GTF2H5: variants seen among roughly 807,000 people sequenced by gnomAD.
The protein encoded by GTF2H5 is general transcription factor IIH subunit 5.
A neutral mutation model predicts 7.1 loss-of-function variants in GTF2H5; 5 were observed. That is an observed-to-expected ratio of 0.71 (90% CI 0.37 to 1.49). The LOEUF is 1.49. GTF2H5 is among the 40% of genes most tolerant of loss of function. GTF2H5 has a pLI of 0.03. For missense variants in GTF2H5, 80 were observed against 83.0 expected, an observed-to-expected ratio of 0.96 and a Z score of 0.14; for synonymous variants, 30 against 31.7, an observed-to-expected ratio of 0.95 and a Z score of 0.18.
chr6:158,192,077 A>G lies in GTF2H5; in HGVS notation c.136A>G (p.Ile46Val), dbSNP rs146093050. The G allele has an allele frequency of 2.4e-5, 39 of 1,613,894 alleles. No individual in the cohort carries two copies. In the African/African-American group the frequency reaches 4.1e-4, roughly 17 times the overall value. The change falls in exon 3 of 3, where the codon ATA (isoleucine) becomes GTA (valine). Residue 46 changes from isoleucine (I) to valine (V), a missense_variant. Transcript: ENST00000607778. ...QDIDDTHVFVIAELVNVLQER... is the reference protein window; with the variant it reads ...QDIDDTHVFVVAELVNVLQER... ...CATTGATGACACTCACGTCTTTGTA[A>G]TAGCAGAATTGGTTAATGTCCTCCA...
Position 158,196,819 on chromosome 6 carries a change from G to A in GTF2H5, c.*4662G>A, listed in dbSNP as rs1562478666. ...GACAATGTTGAAGATGAAACCTACA[G>A]CAGCAGACCATGCCACTTCGTGAGG... On this transcript the variant is annotated 3_prime_UTR_variant, in exon 3 of 3. Coordinates refer to ENST00000607778, the MANE Select transcript of GTF2H5 (RefSeq NM_207118.3). 6.6e-6 allele frequency: 1 copy of A among 152,192 alleles called. No individual in the cohort carries two copies. The highest frequency in any genetic ancestry group is 2.4e-5 in the African/African-American group (1 of 41,444). The allele number at this position is 152,192 out of a possible 1,614,324, so 9.4% of individuals were successfully genotyped here. A position where few individuals can be genotyped will look rare whatever the true frequency, so the allele number is the denominator to read the frequency against.
Position 158,169,551 on chromosome 6 carries a change from GTA to G in GTF2H5, c.-34-915_-34-914del, listed in dbSNP as rs1189488172. On this transcript the variant is annotated intron_variant, in intron 1 of 2. Coordinates refer to ENST00000607778, the MANE Select transcript of GTF2H5 (RefSeq NM_207118.3). ...TACAGTATATTATATATAATATACT[GTA>G]TATTATATATAATATATTGTATATT... 1.7e-3 allele frequency among the ~76,000 whole-genome samples: 133 copies of G among 77,688 alleles called. 24 individuals are homozygous for G. Among genetic ancestry groups the G allele is most frequent in the African/African-American group, 7.0e-3 (130 of 18,614 alleles). 51.0% of individuals were successfully genotyped at this position (77,688 alleles called of 152,430 possible). A position where few individuals can be genotyped will look rare whatever the true frequency, so the allele number is the denominator to read the frequency against.
At chr6:158,186,785 C>T (rs1043692314) in intron 2 of GTF2H5, among the ~76,000 whole-genome samples, 6 of 152,188 alleles carry the variant, frequency 3.9e-5, no homozygotes, top group South Asian at 2.1e-4. Flanking sequence ...GAATGGGGGG[C>T]GGGCTTCCCG....
chr6:158,176,660 G>T (rs1583630654), intron 2 of GTF2H5, among the ~76,000 whole-genome samples: 1 of 152,330 alleles, frequency 6.6e-6, no homozygotes. Context: ...AGCAGCGCTA[G>T]AGGAATTAAA....
Position 158,178,456 on chromosome 6 carries a change from CAA to C in GTF2H5, c.35+7938_35+7939del, listed in dbSNP as rs34745319. 3.0e-3 allele frequency among the ~76,000 whole-genome samples: 265 copies of C among 88,498 alleles called. 2 individuals are homozygous for C. The East Asian group carries it at 0.059, about 20-fold the overall frequency. 58.1% of individuals were successfully genotyped at this position (88,498 alleles called of 152,430 possible). On this transcript the variant is annotated intron_variant, in intron 2 of 2. Coordinates refer to ENST00000607778, the MANE Select transcript of GTF2H5 (RefSeq NM_207118.3). The stretch of plus-strand genomic sequence containing the variant: ...TGGGAGACAGAGCGAGACTCCATCT[CAA>C]AAAAAAAAAAAAAAAAAAAGCATTC...
chr6:158,189,980 GT>G (rs2128431863), intron 2 of GTF2H5, among the ~76,000 whole-genome samples: 1 of 152,140 alleles, frequency 6.6e-6, no homozygotes. Flanking sequence ...GACTCTTTGG[GT>G]TTTCTTTCTA....
chr6:158,194,800 T>C lies in GTF2H5; in HGVS notation c.*2643T>C, dbSNP rs750074517. 2.6e-5 allele frequency: 4 copies of C among 152,164 alleles called. No individual in the cohort carries two copies. The highest frequency in any genetic ancestry group is 4.4e-5 in the Non-Finnish European group (3 of 68,022). 9.4% of individuals were successfully genotyped at this position (152,164 alleles called of 1,614,324 possible). Reference sequence around the variant, plus strand: ...AGGTGATTAAGGGAGAAAGGGACAGTCTGAAAACAAGGTTAGTAAAAACAA... The same window carrying C: ...AGGTGATTAAGGGAGAAAGGGACAGCCTGAAAACAAGGTTAGTAAAAACAA... On this transcript the variant is annotated 3_prime_UTR_variant, in exon 3 of 3. Transcript: ENST00000607778.
Position 158,194,274 on chromosome 6 carries a change from G to C in GTF2H5, c.*2117G>C, listed in dbSNP as rs1777073055. The stretch of plus-strand genomic sequence containing the variant: ...AAGTTAGAGGAACGCCACACTTTGA[G>C]ACGAATTTAAAAGTCCTTTATTTAG... On this transcript the variant is annotated 3_prime_UTR_variant, in exon 3 of 3. Transcript: ENST00000607778. 6.6e-6 allele frequency: 1 copy of C among 152,186 alleles called. No homozygotes were observed. Among genetic ancestry groups the C allele is most frequent in the Non-Finnish European group, 1.5e-5 (1 of 68,028 alleles). The allele number at this position is 152,186 out of a possible 1,614,324, so 9.4% of individuals were successfully genotyped here. A position where few individuals can be genotyped will look rare whatever the true frequency, so the allele number is the denominator to read the frequency against.
In GTF2H5 at chr6:158,170,543, G is replaced by T; in HGVS notation, c.35+5G>T. 1.3e-6 allele frequency: 2 copies of T among 1,599,546 alleles called. No homozygotes were observed. The highest frequency in any genetic ancestry group is 1.7e-6 in the Non-Finnish European group (2 of 1,166,662). The stretch of plus-strand genomic sequence containing the variant: ...GAAAGGAGTGCTTATAGAATGGTTA[G>T]TAGTTTTGATACTGCATGAGTTTTA... On this transcript the variant is annotated splice_donor_5th_base_variant and intron_variant, in intron 2 of 2. Transcript: ENST00000607778.
intron 2 of GTF2H5, among the ~76,000 whole-genome samples, chr6:158,182,904 A>G (rs1786029922): frequency 6.6e-6 from 1 of 151,984 alleles, no homozygotes; most frequent in Admixed American, 6.6e-5. Context: ...TTCTCCATCC[A>G]GTTTTCTTCC....
At chr6:158,188,299 C>T (rs1303482270) in intron 2 of GTF2H5, among the ~76,000 whole-genome samples, 1 of 152,184 alleles carries the variant, frequency 6.6e-6, no homozygotes, top group East Asian at 1.9e-4. Flanking sequence ...ATTCTCCCCA[C>T]CAGTCCCTCC....
intron 2 of GTF2H5, among the ~76,000 whole-genome samples, chr6:158,170,845 A>G (rs1027048862): frequency 1.3e-5 from 2 of 152,352 alleles, no homozygotes; most frequent in South Asian, 2.1e-4. Flanking sequence ...AACTTGCTTA[A>G]GTCTTTACCA....
rs1785802715 is a variant in GTF2H5 at position 158,169,730 on chromosome 6, A to ATTGTATATTATATATTATATAATATG, written c.-34-715_-34-714insGTTGTATATTATATATTATATAATAT. 2.3e-5 allele frequency among the ~76,000 whole-genome samples: 2 copies of ATTGTATATTATATATTATATAATATG among 86,676 alleles called. 1 individual carries two copies. The highest frequency in any genetic ancestry group is 9.7e-5 in the African/African-American group (2 of 20,712). The allele number at this position is 86,676 out of a possible 152,430, so 56.9% of individuals were successfully genotyped here. A position where few individuals can be genotyped will look rare whatever the true frequency, so the allele number is the denominator to read the frequency against. ...TTGTATATTATATATTATATAATAT[A>ATTGTATATTATATATTATATAATATG]TTGTATATTATATATTATATAATAT... On this transcript the variant is annotated intron_variant, in intron 1 of 2. Coordinates refer to ENST00000607778, the MANE Select transcript of GTF2H5 (RefSeq NM_207118.3).
At chr6:158,188,038 T>C (rs1036875261) in intron 2 of GTF2H5, among the ~76,000 whole-genome samples, 2 of 152,076 alleles carry the variant, frequency 1.3e-5, no homozygotes, top group African/African-American at 4.8e-5. Flanking sequence ...AGATGGGGGG[T>C]GGGGTGCTTA....
intron 2 of GTF2H5, chr6:158,190,718 G>T: frequency 2.4e-6 from 1 of 415,396 alleles, no homozygotes. Flanking sequence ...ACATCTTTTG[G>T]ATTAAATTGT....
intron 1 of GTF2H5, among the ~76,000 whole-genome samples, chr6:158,169,979 C>A (rs1384859788): frequency 6.6e-6 from 1 of 150,928 alleles, no homozygotes; most frequent in African/African-American, 2.4e-5. Flanking sequence ...AGAGATCGCG[C>A]CACTGCACTA....
intron 2 of GTF2H5, among the ~76,000 whole-genome samples, chr6:158,177,233 T>C (rs1785946000): frequency 6.6e-6 from 1 of 152,256 alleles, no homozygotes; most frequent in African/African-American, 2.4e-5. Context: ...TTTGAGTACC[T>C]ACTATGAGCA....
At chr6:158,187,129 G>A (rs1319539934) in intron 2 of GTF2H5, among the ~76,000 whole-genome samples, 1 of 151,998 alleles carries the variant, frequency 6.6e-6, no homozygotes, top group African/African-American at 2.4e-5. Context: ...TGAGTAGGTA[G>A]TATTACAAGC....
At chr6:158,191,893 C>G in intron 2 of GTF2H5, 84 bp from the exon 3 acceptor site, 2 of 1,069,120 alleles carry the variant, frequency 1.9e-6, no homozygotes, top group Non-Finnish European at 2.9e-6. Context: ...TCTAAAAATT[C>G]TACATGTTCA....
Sources: allele counts gnomAD v4.1 joint callset (sites outside exome capture counted in the v4.1 genomes callset), GRCh38; gene constraint gnomAD v4.1.1; transcripts MANE v1.5; gene names NCBI Gene and HGNC (gene_info 2026-07-23, HGNC 2026-07-21).